CYP39A1: variants seen among roughly 807,000 people sequenced by gnomAD.
The protein encoded by CYP39A1 is cytochrome P450 family 39 subfamily A member 1, also known as 24-hydroxycholesterol 7-alpha-hydroxylase.
In CYP39A1, 49 loss-of-function variants were observed where a neutral mutation model predicts 58.1. That is an observed-to-expected ratio of 0.84 (90% CI 0.67 to 1.07). The LOEUF is 1.07. Ranked by LOEUF, CYP39A1 falls within the 50% of genes least tolerant of loss-of-function variation. The pLI is 0.00. For synonymous variants in CYP39A1, 209 were observed against 187.6 expected (o/e 1.11, Z -0.93); for missense variants, 531 against 539.4 (o/e 0.98, Z 0.16).
chr6:46,568,174 T>G (rs1335330142), intron 10 of CYP39A1, among the ~76,000 whole-genome samples: 1 of 152,166 alleles, frequency 6.6e-6, no homozygotes, highest in Non-Finnish European at 1.5e-5. Flanking sequence ...GAGCATCTTT[T>G]CATGTGCTTA....
intron 10 of CYP39A1, among the ~76,000 whole-genome samples, chr6:46,567,956 T>C (rs189827341): frequency 3.4e-4 from 51 of 151,598 alleles, no homozygotes; most frequent in African/African-American, 1.1e-3. Flanking sequence ...TATGGTTAGG[T>C]CCATGCAGAT....
chr6:46,635,242 C>G (rs1775262697), intron 5 of CYP39A1, among the ~76,000 whole-genome samples: 1 of 152,138 alleles, frequency 6.6e-6, no homozygotes, highest in Non-Finnish European at 1.5e-5. Context: ...AGCTCCTATC[C>G]AGTCCTCTGT....
intron 2 of CYP39A1, 38 bp downstream of exon 2, chr6:46,642,125 G>A: frequency 6.2e-7 from 1 of 1,607,016 alleles, no homozygotes. Flanking sequence ...GGATTCCAAT[G>A]TTGGATTTCG....
At chr6:46,630,124 C>CAAAAA (rs1300199570) in intron 6 of CYP39A1, among the ~76,000 whole-genome samples, 3 of 146,714 alleles carry the variant, frequency 2.0e-5, no homozygotes, top group African/African-American at 5.5e-5. Flanking sequence ...AAAACAACAA[C>CAAAAA]AACAACAAAA....
At chr6:46,620,689 G>T (rs2150565517) in intron 7 of CYP39A1, among the ~76,000 whole-genome samples, 1 of 152,252 alleles carries the variant, frequency 6.6e-6, no homozygotes, top group African/African-American at 2.4e-5. Flanking sequence ...GAAAGCGAAA[G>T]CTAAGGCAGA....
At chr6:46,584,922 C>T (rs1354917410) in intron 10 of CYP39A1, among the ~76,000 whole-genome samples, 3 of 152,138 alleles carry the variant, frequency 2.0e-5, no homozygotes, top group Non-Finnish European at 4.4e-5. Context: ...AATTGAATGT[C>T]CACTTTGCCC....
chr6:46,556,945 T>C (rs1326964688), intron 10 of CYP39A1, among the ~76,000 whole-genome samples: 1 of 152,018 alleles, frequency 6.6e-6, no homozygotes, highest in African/African-American at 2.4e-5. Flanking sequence ...AAAATAGTTA[T>C]TATACTCCAC....
At chr6:46,583,676 G>A (rs868317604) in intron 10 of CYP39A1, 11 of 777,740 alleles carry the variant, frequency 1.4e-5, no homozygotes, top group Admixed American at 6.2e-5. Flanking sequence ...GAAGTGCCTC[G>A]CAGTGGGATC....
chr6:46,601,664 C>CTTATTATTA (rs1316630715), intron 7 of CYP39A1, among the ~76,000 whole-genome samples: 2 of 136,798 alleles, frequency 1.5e-5, no homozygotes, highest in South Asian at 4.6e-4. Flanking sequence ...TCTCAGGTTA[C>CTTATTATTA]CTATTATTAT....
chr6:46,639,297 A>C (rs1383324833), intron 3 of CYP39A1, among the ~76,000 whole-genome samples, 197 bp downstream of exon 3: 3 of 152,058 alleles, frequency 2.0e-5, no homozygotes, highest in Admixed American at 2.0e-4. Flanking sequence ...AAACTGAATT[A>C]GAATTTAAAA....
intron 10 of CYP39A1, among the ~76,000 whole-genome samples, chr6:46,573,172 C>T (rs1012938660): frequency 1.3e-5 from 2 of 152,080 alleles, no homozygotes; most frequent in Non-Finnish European, 1.5e-5. Flanking sequence ...TAGGGTTTCG[C>T]ATTGGAAAAT....
intron 7 of CYP39A1, among the ~76,000 whole-genome samples, chr6:46,613,285 T>C (rs1013827453): frequency 3.9e-5 from 6 of 152,176 alleles, no homozygotes; most frequent in Non-Finnish European, 7.4e-5. Context: ...CTAGTCAGGA[T>C]TGCTGCTAAA....
chr6:46,583,485 A>C (rs1338092653), intron 10 of CYP39A1: 2 of 985,292 alleles, frequency 2.0e-6, no homozygotes, highest in African/African-American at 3.5e-5. Context: ...CGTATAGTTT[A>C]ATGTGAGACT....
intron 7 of CYP39A1, among the ~76,000 whole-genome samples, chr6:46,601,382 C>T (rs996615943): frequency 1.3e-5 from 2 of 152,048 alleles, no homozygotes; most frequent in South Asian, 2.1e-4. Flanking sequence ...AAGTCAGTAC[C>T]GTCTCAGGAC....
intron 7 of CYP39A1, among the ~76,000 whole-genome samples, chr6:46,615,607 G>A (rs981600993): frequency 2.6e-5 from 4 of 151,746 alleles, no homozygotes; most frequent in Admixed American, 2.0e-4. Context: ...AAAAATCCAC[G>A]CATTGAGAGT....
At chr6:46,575,991 C>T (rs1489621313) in intron 10 of CYP39A1, among the ~76,000 whole-genome samples, 3 of 152,202 alleles carry the variant, frequency 2.0e-5, no homozygotes, top group Non-Finnish European at 2.9e-5. Flanking sequence ...GTTCAGCTGG[C>T]TGTTCAGGAA....
chr6:46,597,888 T>G (rs1773261263), intron 7 of CYP39A1, among the ~76,000 whole-genome samples: 1 of 152,180 alleles, frequency 6.6e-6, no homozygotes, highest in Non-Finnish European at 1.5e-5. Context: ...GCTTATTTGC[T>G]CAGATCTGAG....
intron 1 of CYP39A1, among the ~76,000 whole-genome samples, chr6:46,649,215 G>T (rs914949570): frequency 6.6e-6 from 1 of 152,196 alleles, no homozygotes; most frequent in Non-Finnish European, 1.5e-5. Flanking sequence ...TTTTTACTGG[G>T]GTTGGCCAGG....
At chr6:46,618,163 T>C (rs1774726850) in intron 7 of CYP39A1, among the ~76,000 whole-genome samples, 1 of 152,162 alleles carries the variant, frequency 6.6e-6, no homozygotes, top group South Asian at 2.1e-4. Flanking sequence ...AATTACGATT[T>C]GCCAGGTACT....
Sources: gnomAD v4.1 joint callset for allele counts (sites outside exome capture counted in the v4.1 genomes callset) on GRCh38, gnomAD v4.1.1 for gene constraint, MANE v1.5 for transcripts, NCBI Gene and HGNC (gene_info 2026-07-23, HGNC 2026-07-21) for gene names.